BICC1: variants seen among roughly 807,000 people sequenced by gnomAD.
BICC1 encodes the protein protein bicaudal C homolog 1.
A neutral mutation model predicts 111.0 loss-of-function variants in BICC1; 43 were observed. The ratio of observed to expected loss-of-function variants is 0.39; its 90% CI spans 0.30 to 0.50. The LOEUF (loss-of-function observed/expected upper bound fraction) is 0.50. Among genes scored for constraint, BICC1 ranks in the 20% least tolerant of loss-of-function variants. The pLI, the probability that BICC1 is intolerant of heterozygous loss-of-function variation, is 0.88. For missense variants in BICC1, 1,091 were observed against 1,203.2 expected (o/e 0.91, Z 1.38); for synonymous variants, 467 against 434.4 (o/e 1.07, Z -0.93).
chr10:58,558,015 C>T (rs2195068), intron 1 of BICC1, among the ~76,000 whole-genome samples: 4,704 of 152,144 alleles, frequency 0.031, 228 homozygotes, highest in African/African-American at 0.11. Flanking sequence ...TTTCTGCTTT[C>T]TCAGGTAGGA....
At chr10:58,525,680 T>G (rs1376806470) in intron 1 of BICC1, among the ~76,000 whole-genome samples, 2 of 123,464 alleles carry the variant, frequency 1.6e-5, no homozygotes, top group Non-Finnish European at 3.7e-5. Context: ...ACCTGCACGT[T>G]GTGTACATGT....
intron 2 of BICC1, among the ~76,000 whole-genome samples, chr10:58,633,995 CTTTTTTTTT>C (rs5785333): frequency 2.0e-5 from 2 of 99,942 alleles, no homozygotes; most frequent in African/African-American, 7.6e-5. Context: ...TTTTTCTTTT[CTTTTTTTTT>C]TTTTTTTTAG....
intron 2 of BICC1, among the ~76,000 whole-genome samples, chr10:58,668,253 C>T (rs1839077538): frequency 6.6e-6 from 1 of 152,006 alleles, no homozygotes; most frequent in African/African-American, 2.4e-5. Flanking sequence ...CCAATTTATA[C>T]AAAAAGTAGT....
rs866301463 is a variant in BICC1, at chr10:58,592,702, G to A, written c.191-28153G>A. ...TGCACGCCAGCCTGGGTGACAGAGT[G>A]AGACTCCGTGTGAAAAAAAAAAAAA... is the stretch of plus-strand genomic sequence containing the variant. On this transcript the variant is annotated intron_variant, in intron 1 of 20. Transcript: ENST00000373886. Among the ~76,000 whole-genome samples the A allele has an allele frequency of 3.3e-5, 5 of 149,692 alleles. No homozygotes were observed. The South Asian group carries it at 8.6e-4, about 26-fold the overall frequency.
chr10:58,767,560 A>C (rs1288368874), intron 3 of BICC1, among the ~76,000 whole-genome samples: 1 of 152,062 alleles, frequency 6.6e-6, no homozygotes, highest in Admixed American at 6.5e-5. Flanking sequence ...GAACACAATA[A>C]TTTCTCAGTA....
chr10:58,601,613 C>T (rs1210188950), intron 1 of BICC1, among the ~76,000 whole-genome samples: 2 of 151,910 alleles, frequency 1.3e-5, no homozygotes, highest in African/African-American at 4.8e-5. Context: ...ATTACTGGAT[C>T]AAGTACATGG....
intron 3 of BICC1, chr10:58,715,793 G>A: frequency 7.2e-7 from 1 of 1,397,910 alleles, no homozygotes; most frequent in African/African-American, 1.4e-5. Context: ...GGGAGAAATT[G>A]TTAACTGCAA....
chr10:58,800,051 G>A (rs1589151244), intron 12 of BICC1, 143 bp from the exon 13 acceptor site: 1 of 608,108 alleles, frequency 1.6e-6, no homozygotes, highest in South Asian at 2.3e-5. Flanking sequence ...AGTTCTCCTT[G>A]TAGATATATT....
chr10:58,772,661 T>C (rs565094730), intron 3 of BICC1, among the ~76,000 whole-genome samples: 1 of 152,240 alleles, frequency 6.6e-6, no homozygotes, highest in African/African-American at 2.4e-5. Context: ...CTCAGAAAAG[T>C]TTACCAATGC....
At chr10:58,797,140 A>T (rs1223079805) in intron 10 of BICC1, among the ~76,000 whole-genome samples, 1 of 152,170 alleles carries the variant, frequency 6.6e-6, no homozygotes, top group Admixed American at 6.5e-5. Flanking sequence ...GGTGATATTT[A>T]TGTCCTCATC....
intron 1 of BICC1, among the ~76,000 whole-genome samples, chr10:58,610,428 G>A (rs1460278125): frequency 1.3e-5 from 2 of 152,058 alleles, no homozygotes; most frequent in Admixed American, 6.5e-5. Context: ...GAGCAGCAGT[G>A]GTCCCCACTG....
At chr10:58,772,549 C>G (rs1382879658) in intron 3 of BICC1, among the ~76,000 whole-genome samples, 1 of 152,114 alleles carries the variant, frequency 6.6e-6, no homozygotes, top group Non-Finnish European at 1.5e-5. Flanking sequence ...AAAATTGAAT[C>G]CTTTGAAGGT....
chr10:58,771,602 C>T (rs1842624274), intron 3 of BICC1, among the ~76,000 whole-genome samples: 1 of 152,078 alleles, frequency 6.6e-6, no homozygotes, highest in Non-Finnish European at 1.5e-5. Context: ...GAGGATTGGA[C>T]TGATGGAGCC....
Position 58,555,306 on chromosome 10 carries a change from A to ATTTTTTTTT in BICC1, c.190+41993_190+42001dup, listed in dbSNP as rs61692850. 5.9e-5 allele frequency among the ~76,000 whole-genome samples: 6 copies of ATTTTTTTTT among 102,526 alleles called. 1 individual carries two copies. Among genetic ancestry groups the ATTTTTTTTT allele is most frequent in the African/African-American group, 1.9e-4 (5 of 25,818 alleles). 67.3% of individuals were successfully genotyped at this position (102,526 alleles called of 152,430 possible). A position where few individuals can be genotyped will look rare whatever the true frequency, so the allele number is the denominator to read the frequency against. ...CTGAAGAGAATAGAGGCTGTTGGACATTTTTTTTTTTTTTTTTTTTTTTTT... is the reference window on the plus strand; with the variant it reads ...CTGAAGAGAATAGAGGCTGTTGGACATTTTTTTTTTTTTTTTTTTTTTTTTTTTTTTTTT... On this transcript the variant is annotated intron_variant, in intron 1 of 20. Coordinates refer to ENST00000373886, the MANE Select transcript of BICC1 (RefSeq NM_001080512.3).
chr10:58,538,100 T>A (rs1191658089), intron 1 of BICC1, among the ~76,000 whole-genome samples: 1 of 151,808 alleles, frequency 6.6e-6, no homozygotes, highest in East Asian at 1.9e-4. Flanking sequence ...ACATCGTTTT[T>A]TCAGATAATT....
At chr10:58,755,777 G>A (rs1842126655) in intron 3 of BICC1, among the ~76,000 whole-genome samples, 1 of 151,908 alleles carries the variant, frequency 6.6e-6, no homozygotes, top group Non-Finnish European at 1.5e-5. Flanking sequence ...CAGCGGTTGA[G>A]TCTGGATTTG....
chr10:58,818,137 T>A (rs1027458774), intron 19 of BICC1, among the ~76,000 whole-genome samples: 1 of 152,202 alleles, frequency 6.6e-6, no homozygotes, highest in Non-Finnish European at 1.5e-5. Context: ...CTCTGGCTGT[T>A]TTTGACTCAT....
chr10:58,711,928 G>C (rs1228663588), intron 3 of BICC1, among the ~76,000 whole-genome samples: 1 of 151,712 alleles, frequency 6.6e-6, no homozygotes, highest in African/African-American at 2.4e-5. Flanking sequence ...AGCCAGAGAC[G>C]GGGAGAAAAT....
At chr10:58,771,510 C>G (rs866186565) in intron 3 of BICC1, among the ~76,000 whole-genome samples, 1 of 151,952 alleles carries the variant, frequency 6.6e-6, no homozygotes, top group Non-Finnish European at 1.5e-5. Context: ...AGCAGTGTCA[C>G]GGGAAACCAG....
Sources: allele counts gnomAD v4.1 joint callset (sites outside exome capture counted in the v4.1 genomes callset), GRCh38; gene constraint gnomAD v4.1.1; transcripts MANE v1.5; gene names NCBI Gene and HGNC (gene_info 2026-07-23, HGNC 2026-07-21).